PDE4D: variants seen among roughly 807,000 people sequenced by gnomAD.
PDE4D encodes phosphodiesterase 4D.
PDE4D carries 24 observed loss-of-function variants against 87.4 expected under a neutral mutation model. The observed-to-expected ratio is 0.27, with a 90% confidence interval of 0.20 to 0.39. The LOEUF (loss-of-function observed/expected upper bound fraction) is 0.39. PDE4D is among the 10% of genes least tolerant of loss of function. The probability of loss-of-function intolerance (pLI) is 1.00; values close to 1 mark genes in which losing one functional copy is unlikely to be tolerated. For missense variants in PDE4D, 714 were observed against 1,041.0 expected (o/e 0.69, Z 4.32); for synonymous variants, 384 against 383.2 (o/e 1.00, Z -0.02).
chr5:59,954,252 G>A (rs1174334647), intron 3 of PDE4D, among the ~76,000 whole-genome samples: 1 of 152,160 alleles, frequency 6.6e-6, no homozygotes, highest in Non-Finnish European at 1.5e-5. Flanking sequence ...GGGATGAATA[G>A]CAAGAAATGA....
At chr5:60,322,448 C>T (rs1327352100) in intron 1 of PDE4D, among the ~76,000 whole-genome samples, 1 of 151,342 alleles carries the variant, frequency 6.6e-6, no homozygotes, top group African/African-American at 2.4e-5. Context: ...TTTTTCAGCT[C>T]TTTTCACACC....
At chr5:59,348,539 A>C (rs559258826) in intron 1 of PDE4D, among the ~76,000 whole-genome samples, 1 of 151,568 alleles carries the variant, frequency 6.6e-6, no homozygotes, top group South Asian at 2.1e-4. Context: ...ATTCATTGTC[A>C]TAACAATTTT....
chr5:59,114,640 T>C (rs1773261498), intron 5 of PDE4D, among the ~76,000 whole-genome samples: 1 of 151,902 alleles, frequency 6.6e-6, no homozygotes, highest in Non-Finnish European at 1.5e-5. Context: ...GAGAATGGGA[T>C]CCTGGGAACC....
At chr5:59,304,469 G>T (rs564676115) in intron 1 of PDE4D, among the ~76,000 whole-genome samples, 1 of 152,192 alleles carries the variant, frequency 6.6e-6, no homozygotes, top group East Asian at 1.9e-4. Context: ...TCATTGTCTT[G>T]TTCCAGTTCT....
intron 1 of PDE4D, among the ~76,000 whole-genome samples, chr5:59,252,796 GGA>G (rs1760227990): frequency 6.6e-6 from 1 of 152,060 alleles, no homozygotes; most frequent in African/African-American, 2.4e-5. Context: ...CAGAGTGTTA[GGA>G]TTATAGGTGT....
At chr5:59,892,193 T>A (rs907544335) in intron 1 of PDE4D, among the ~76,000 whole-genome samples, 1 of 152,102 alleles carries the variant, frequency 6.6e-6, no homozygotes, top group African/African-American at 2.4e-5. Flanking sequence ...CACGCCTGAG[T>A]TAAGAATCTG....
intron 2 of PDE4D, among the ~76,000 whole-genome samples, chr5:60,055,820 C>T (rs898896680): frequency 1.3e-5 from 2 of 151,906 alleles, no homozygotes; most frequent in Admixed American, 6.6e-5. Flanking sequence ...CTCTTTCATA[C>T]TACAGGTTGG....
intron 1 of PDE4D, among the ~76,000 whole-genome samples, chr5:60,474,110 A>G (rs1748094386): frequency 1.5e-5 from 1 of 66,012 alleles, no homozygotes; most frequent in Non-Finnish European, 2.7e-5. Context: ...GCTGCCATAT[A>G]TATATATATA....
intron 6 of PDE4D, among the ~76,000 whole-genome samples, chr5:59,017,416 G>A (rs961453146): frequency 3.9e-5 from 6 of 152,100 alleles, no homozygotes; most frequent in East Asian, 1.9e-4. Context: ...GGAGAAGACC[G>A]GGGGAGGTAC....
At chr5:60,358,076 G>T (rs1759764274) in intron 1 of PDE4D, among the ~76,000 whole-genome samples, 1 of 152,124 alleles carries the variant, frequency 6.6e-6, no homozygotes, top group African/African-American at 2.4e-5. Context: ...TAACTATCAA[G>T]GTAATAAGTG....
At chr5:59,735,278 T>A (rs1454857263) in intron 1 of PDE4D, among the ~76,000 whole-genome samples, 2 of 152,220 alleles carry the variant, frequency 1.3e-5, no homozygotes, top group Non-Finnish European at 2.9e-5. Context: ...GAGATGTATA[T>A]AAAGGAATGA....
intron 1 of PDE4D, among the ~76,000 whole-genome samples, chr5:59,808,486 G>C (rs930283207): frequency 7.9e-5 from 12 of 152,124 alleles, no homozygotes; most frequent in Non-Finnish European, 1.6e-4. Flanking sequence ...GGCAAAGCCT[G>C]CTAATAAACC....
chr5:60,016,023 C>CTGTG (rs1203407485), intron 2 of PDE4D, among the ~76,000 whole-genome samples: 12 of 147,250 alleles, frequency 8.1e-5, no homozygotes, highest in African/African-American at 2.5e-4. Flanking sequence ...CTCTCTCTCT[C>CTGTG]TCTGTGTGTG....
intron 1 of PDE4D, among the ~76,000 whole-genome samples, chr5:60,292,383 A>G (rs1232776513): frequency 1.3e-5 from 2 of 152,218 alleles, no homozygotes; most frequent in African/African-American, 2.4e-5. Context: ...CGAGACATCA[A>G]ATAACACTTA....
chr5:60,061,777 C>G (rs1413930894), intron 2 of PDE4D, among the ~76,000 whole-genome samples: 1 of 151,294 alleles, frequency 6.6e-6, no homozygotes, highest in Non-Finnish European at 1.5e-5. Context: ...ATAAGACCAT[C>G]TGATCTTCAA....
chr5:59,152,033 G>A (rs1374091320), intron 5 of PDE4D, among the ~76,000 whole-genome samples: 1 of 152,102 alleles, frequency 6.6e-6, no homozygotes, highest in East Asian at 1.9e-4. Context: ...TTTGAGGGAG[G>A]CAGCAGAGTG....
chr5:60,404,323 A>G (rs1421133271), intron 1 of PDE4D, among the ~76,000 whole-genome samples: 7 of 142,074 alleles, frequency 4.9e-5, no homozygotes, highest in African/African-American at 1.7e-4. Flanking sequence ...TTGAGCAACT[A>G]TTATTTTGGT....
intron 5 of PDE4D, among the ~76,000 whole-genome samples, chr5:59,115,649 G>A (rs188591659): frequency 1.1e-4 from 16 of 152,284 alleles, no homozygotes; most frequent in African/African-American, 1.4e-4. Context: ...TCCTTATGCT[G>A]ATCTATGTTC....
chr5:59,908,988 T>C (rs1444881478), intron 3 of PDE4D, among the ~76,000 whole-genome samples: 1 of 152,244 alleles, frequency 6.6e-6, no homozygotes, highest in Non-Finnish European at 1.5e-5. Context: ...ATTATTTTTA[T>C]TTGCACTGGC....
Sources: allele counts gnomAD v4.1 joint callset (sites outside exome capture counted in the v4.1 genomes callset), GRCh38; gene constraint gnomAD v4.1.1; transcripts MANE v1.5; gene names NCBI Gene and HGNC (gene_info 2026-07-23, HGNC 2026-07-21).